BMPER: variants seen among roughly 807,000 people sequenced by gnomAD.
The protein encoded by BMPER is BMP-binding endothelial regulator protein.
BMPER carries 45 observed loss-of-function variants against 87.3 expected under a neutral mutation model. The observed-to-expected ratio is 0.52, with a 90% CI of 0.41 to 0.66. The LOEUF (loss-of-function observed/expected upper bound fraction) is 0.66, where lower values mean the gene tolerates loss of function less well. Ranked by LOEUF, BMPER falls within the 30% of genes least tolerant of loss-of-function variation. The pLI, the probability that BMPER is intolerant of heterozygous loss-of-function variation, is 0.00. For synonymous variants in BMPER, 326 were observed against 316.2 expected (o/e 1.03, Z -0.33); for missense variants, 784 against 867.5 (o/e 0.90, Z 1.21).
At chr7:33,940,506 A>G (rs549008722) in intron 3 of BMPER, among the ~76,000 whole-genome samples, 3 of 152,320 alleles carry the variant, frequency 2.0e-5, no homozygotes, top group African/African-American at 7.2e-5. Flanking sequence ...TGTTCACCCA[A>G]TCTGGGTTTG....
At chr7:33,969,066 C>T (rs1207300387) in intron 4 of BMPER, among the ~76,000 whole-genome samples, 1 of 152,176 alleles carries the variant, frequency 6.6e-6, no homozygotes, top group Admixed American at 6.5e-5. Context: ...ACCAATTCTC[C>T]AGTGAGTGGA....
At chr7:33,957,343 G>T (rs774623140) in intron 3 of BMPER, among the ~76,000 whole-genome samples, 18 of 150,248 alleles carry the variant, frequency 1.2e-4, no homozygotes, top group Admixed American at 3.4e-4. Context: ...AGGTAGAAAA[G>T]AGTCAACCTC....
intron 11 of BMPER, among the ~76,000 whole-genome samples, chr7:34,077,016 T>C (rs1788882614): frequency 2.6e-5 from 4 of 152,184 alleles, no homozygotes. Flanking sequence ...GTGCATCTGG[T>C]CATCAGGTTA....
At chr7:34,013,790 TC>T (rs754007771) in intron 6 of BMPER, among the ~76,000 whole-genome samples, 1 of 151,864 alleles carries the variant, frequency 6.6e-6, no homozygotes, top group Non-Finnish European at 1.5e-5. Context: ...ATTTTAAGTT[TC>T]TCATCAACCT....
At chr7:34,031,515 C>T (rs898862478) in intron 6 of BMPER, among the ~76,000 whole-genome samples, 9 of 151,952 alleles carry the variant, frequency 5.9e-5, no homozygotes, top group Non-Finnish European at 1.2e-4. Flanking sequence ...CCAAAGACTA[C>T]CCATGTGTTC....
intron 13 of BMPER, among the ~76,000 whole-genome samples, chr7:34,087,097 G>A (rs2127977591): frequency 6.6e-6 from 1 of 152,252 alleles, no homozygotes; most frequent in South Asian, 2.1e-4. Context: ...AAAAGATAAA[G>A]TTCTATAAAG....
intron 6 of BMPER, among the ~76,000 whole-genome samples, chr7:34,011,583 C>CAAAAAAAAA (rs36022297): frequency 2.0e-3 from 90 of 45,726 alleles, no homozygotes; most frequent in African/African-American, 2.7e-3. Flanking sequence ...TTGGTCAGGG[C>CAAAAAAAAA]AAAAAAAAAA....
chr7:33,978,008 G>A (rs1476199016), intron 6 of BMPER, among the ~76,000 whole-genome samples: 4 of 152,160 alleles, frequency 2.6e-5, no homozygotes, highest in African/African-American at 9.7e-5. Flanking sequence ...GTCACCAAGT[G>A]CTATGGTCTG....
At chr7:33,992,201 A>G (rs1786241766) in intron 6 of BMPER, among the ~76,000 whole-genome samples, 1 of 142,608 alleles carries the variant, frequency 7.0e-6, no homozygotes, top group Non-Finnish European at 1.5e-5. Context: ...TGATCTGTCT[A>G]ATGTTGACAG....
At chr7:33,923,295 C>G (rs1585639660) in intron 2 of BMPER, among the ~76,000 whole-genome samples, 1 of 152,178 alleles carries the variant, frequency 6.6e-6, no homozygotes. Context: ...TTCTATTACT[C>G]CCAAGTGTTT....
At chr7:34,058,778 T>C (rs1788351446) in intron 10 of BMPER, among the ~76,000 whole-genome samples, 1 of 152,242 alleles carries the variant, frequency 6.6e-6, no homozygotes, top group Non-Finnish European at 1.5e-5. Context: ...CCTCAGCAAC[T>C]TGAAACCTTT....
Position 34,051,968 on chromosome 7 carries a change from A to G in BMPER, c.784A>G (p.Arg262Gly). 6.2e-7 allele frequency: 1 copy of G among 1,609,626 alleles called. No homozygotes were observed. Among genetic ancestry groups the G allele is most frequent in the Non-Finnish European group, 8.5e-7 (1 of 1,175,900 alleles). ...CGATAACTGCACAGCTTGTACCTGC[A>G]GGGTAAGGCAGCTCTGAGAGGCTGT... is the stretch of plus-strand genomic sequence containing the variant. ...LYDNCTACTC[R>G]DSTVVCKRKC... Residue 262 changes from arginine (R) to glycine (G), a missense_variant and splice_region_variant, in exon 8 of 15, where the codon AGG (arginine) becomes GGG (glycine). Coordinates refer to ENST00000649409, the MANE Select transcript of BMPER (RefSeq NM_001365308.1).
At chr7:34,148,384 T>C (rs1049130611) in intron 14 of BMPER, among the ~76,000 whole-genome samples, 1 of 152,200 alleles carries the variant, frequency 6.6e-6, no homozygotes, top group Admixed American at 6.5e-5. Flanking sequence ...ATGTGATACA[T>C]CTTATATTTT....
intron 11 of BMPER, among the ~76,000 whole-genome samples, chr7:34,068,460 A>G (rs1189875683): frequency 2.0e-5 from 3 of 152,222 alleles, no homozygotes; most frequent in Non-Finnish European, 1.5e-5. Flanking sequence ...CCCTCCAACC[A>G]CACCTGGTTG....
intron 6 of BMPER, among the ~76,000 whole-genome samples, chr7:34,022,566 A>G (rs1156488758): frequency 6.6e-6 from 1 of 151,968 alleles, no homozygotes; most frequent in Non-Finnish European, 1.5e-5. Flanking sequence ...CCTACAGGAC[A>G]CATAATGAAC....
At chr7:33,984,766 T>C (rs1225615325) in intron 6 of BMPER, among the ~76,000 whole-genome samples, 1 of 152,252 alleles carries the variant, frequency 6.6e-6, no homozygotes, top group African/African-American at 2.4e-5. Context: ...TGCTTAAATC[T>C]CACTTCGTTG....
intron 13 of BMPER, among the ~76,000 whole-genome samples, chr7:34,122,493 A>G (rs1790288071): frequency 6.6e-6 from 1 of 152,204 alleles, no homozygotes; most frequent in African/African-American, 2.4e-5. Context: ...TAGAGGGACC[A>G]GGGGTTATAG....
rs1346738225 is a variant in BMPER at position 34,143,378 on chromosome 7, G to T, written c.1876+18G>T. ...TTGTGCAGGTAAGAAAGTCCTGCTG[G>T]ATCTACCCATCAAAAGTTTACTGCA... On this transcript the variant is annotated intron_variant, in intron 14 of 14. Transcript: ENST00000649409. 4 of 1,613,548 alleles carry T rather than the reference G, an allele frequency of 2.5e-6. No individual in the cohort carries two copies. Among genetic ancestry groups the T allele is most frequent in the South Asian group, 1.1e-5 (1 of 91,074 alleles).
At chr7:34,006,159 G>T (rs1364190267) in intron 6 of BMPER, among the ~76,000 whole-genome samples, 3 of 152,024 alleles carry the variant, frequency 2.0e-5, no homozygotes, top group African/African-American at 7.2e-5. Context: ...TAAATAAACT[G>T]CTCTAACAGC....
Sources: gnomAD v4.1 joint callset for allele counts (sites outside exome capture counted in the v4.1 genomes callset) on GRCh38, gnomAD v4.1.1 for gene constraint, MANE v1.5 for transcripts, NCBI Gene and HGNC (gene_info 2026-07-23, HGNC 2026-07-21) for gene names.